TBL1XR1: variants seen among roughly 807,000 people sequenced by gnomAD.
TBL1XR1 encodes F-box-like/WD repeat-containing protein TBL1XR1.
TBL1XR1 carries 5 observed loss-of-function variants against 66.9 expected under a neutral mutation model. That is an observed-to-expected ratio of 0.07 (90% CI 0.04 to 0.16). The LOEUF is 0.16. TBL1XR1 is among the 10% of genes least tolerant of loss of function. TBL1XR1 has a pLI of 1.00. For synonymous variants in TBL1XR1, 210 were observed against 206.0 expected, an observed-to-expected ratio of 1.02 and a Z score of -0.17; for missense variants, 238 against 623.2, an observed-to-expected ratio of 0.38 and a Z score of 6.58.
At chr3:177,178,121 TGTG>T (rs1185511202) in intron 1 of TBL1XR1, among the ~76,000 whole-genome samples, 4 of 152,140 alleles carry the variant, frequency 2.6e-5, no homozygotes, top group African/African-American at 4.8e-5. Flanking sequence ...GTTCAGTGGG[TGTG>T]GAGCTGGAAT....
intron 10 of TBL1XR1, 75 bp from the exon 11 acceptor site, chr3:177,038,509 T>C (rs1715124088): frequency 1.5e-6 from 2 of 1,359,566 alleles, no homozygotes; most frequent in East Asian, 5.2e-5. Flanking sequence ...TTTGAACCAT[T>C]GTTGACTAAT....
At chr3:177,156,368 G>T (rs1343927147) in intron 1 of TBL1XR1, among the ~76,000 whole-genome samples, 1 of 148,990 alleles carries the variant, frequency 6.7e-6, no homozygotes. Flanking sequence ...GTGTGGTGGC[G>T]GGCGCCTGTA....
At chr3:177,047,867 G>A in intron 7 of TBL1XR1, 1 of 289,716 alleles carries the variant, frequency 3.5e-6, no homozygotes, top group Non-Finnish European at 6.5e-6. Flanking sequence ...AATGAAGGTA[G>A]AGTGGTGGAC....
At chr3:177,078,541 T>TACC (rs1265933758) in intron 2 of TBL1XR1, 1 of 149,056 alleles carries the variant, frequency 6.7e-6, no homozygotes, top group Non-Finnish European at 1.5e-5. Context: ...GCTATGATTA[T>TACC]ACCACCACTG....
chr3:177,105,539 T>C (rs1724773336), intron 1 of TBL1XR1, among the ~76,000 whole-genome samples: 1 of 152,234 alleles, frequency 6.6e-6, no homozygotes, highest in African/African-American at 2.4e-5. Context: ...GAATATCTGA[T>C]TCAAGGTATT....
intron 1 of TBL1XR1, chr3:177,131,329 G>A: frequency 1.0e-6 from 1 of 985,234 alleles, no homozygotes; most frequent in Non-Finnish European, 1.2e-6. Flanking sequence ...GAAAAATAAA[G>A]AAATAGCAAG....
chr3:177,198,719 G>A (rs958424272), upstream of TBL1XR1, among the ~76,000 whole-genome samples: 1 of 152,040 alleles, frequency 6.6e-6, no homozygotes, highest in African/African-American at 2.4e-5. Context: ...GCTTATTACT[G>A]CCTTCAAAGC....
At chr3:177,186,298 TATTACATTGTTATATGAATGA>T (rs1443130302) in intron 1 of TBL1XR1, among the ~76,000 whole-genome samples, 2 of 152,250 alleles carry the variant, frequency 1.3e-5, no homozygotes, top group Non-Finnish European at 2.9e-5. Flanking sequence ...TAAGCATGTA[TATTACATTGTTATATGAATGA>T]GTGCCAAAGA....
intron 2 of TBL1XR1, among the ~76,000 whole-genome samples, chr3:177,071,194 C>A (rs1719964346): frequency 1.3e-5 from 2 of 151,914 alleles, no homozygotes; most frequent in Non-Finnish European, 2.9e-5. Flanking sequence ...CCGTGCCCGG[C>A]TAATTTTTTG....
intron 2 of TBL1XR1, among the ~76,000 whole-genome samples, chr3:177,095,629 G>A (rs781772160): frequency 3.2e-4 from 48 of 151,694 alleles, no homozygotes; most frequent in Non-Finnish European, 2.6e-4. Context: ...ACAGGTGTGC[G>A]CCACCACGCC....
intron 1 of TBL1XR1, among the ~76,000 whole-genome samples, chr3:177,144,762 GAA>G (rs1354851168): frequency 6.6e-6 from 1 of 150,860 alleles, no homozygotes; most frequent in Non-Finnish European, 1.5e-5. Context: ...CAAAAAAAAA[GAA>G]AAAAAGAAAA....
At chr3:177,115,144 A>T (rs1726156299) in intron 1 of TBL1XR1, among the ~76,000 whole-genome samples, 2 of 152,120 alleles carry the variant, frequency 1.3e-5, no homozygotes, top group South Asian at 4.1e-4. Context: ...GTACAGTGTA[A>T]TGCCATCAAC....
intron 2 of TBL1XR1, among the ~76,000 whole-genome samples, chr3:177,076,307 G>A (rs1463516030): frequency 6.6e-6 from 1 of 152,318 alleles, no homozygotes; most frequent in South Asian, 2.1e-4. Flanking sequence ...ATAGAGCTTG[G>A]CTTGTAGACA....
intron 10 of TBL1XR1, among the ~76,000 whole-genome samples, chr3:177,040,183 T>C (rs567233905): frequency 1.3e-5 from 2 of 152,120 alleles, no homozygotes; most frequent in African/African-American, 4.8e-5. Flanking sequence ...GGTGTAGTGG[T>C]CCATGCCTAT....
rs1333115156 is a variant in TBL1XR1 at position 177,020,414 on chromosome 3, C to T, written c.*5084G>A. ...CCCTTCATTTAAAAAAATCTTATCT[C>T]CTGCAAGAAGTAATAAAAATAGTAA... On this transcript the variant is annotated 3_prime_UTR_variant, in exon 16 of 16. Transcript: ENST00000457928. The T allele has an allele frequency of 6.6e-6, 1 of 152,064 alleles. No homozygotes were observed. Among genetic ancestry groups the T allele is most frequent in the African/African-American group, 2.4e-5 (1 of 41,418 alleles). 9.4% of individuals were successfully genotyped at this position (152,064 alleles called of 1,614,324 possible).
chr3:177,149,008 AAAAAG>A (rs1372846235), intron 1 of TBL1XR1, among the ~76,000 whole-genome samples: 1 of 125,362 alleles, frequency 8.0e-6, no homozygotes. Context: ...TCCCTCAAAA[AAAAAG>A]AAAAGAAAAG....
intron 1 of TBL1XR1, among the ~76,000 whole-genome samples, chr3:177,171,831 T>C (rs1733555352): frequency 1.3e-5 from 2 of 151,822 alleles, no homozygotes; most frequent in South Asian, 4.1e-4. Flanking sequence ...CAAATTGTTA[T>C]GTCAGAAAGT....
At chr3:177,088,027 C>CACT (rs1722363834) in intron 2 of TBL1XR1, among the ~76,000 whole-genome samples, 1 of 152,152 alleles carries the variant, frequency 6.6e-6, no homozygotes. Context: ...CTTGCTCTCA[C>CACT]ACTACTCTGT....
chr3:177,078,442 AGGTATGGT>A (rs1158825415), intron 2 of TBL1XR1, among the ~76,000 whole-genome samples: 1 of 151,802 alleles, frequency 6.6e-6, no homozygotes, highest in Non-Finnish European at 1.5e-5. Flanking sequence ...TTAATTAGCC[AGGTATGGT>A]GGCATGAACC....
Sources: allele counts gnomAD v4.1 joint callset (sites outside exome capture counted in the v4.1 genomes callset), GRCh38; gene constraint gnomAD v4.1.1; transcripts MANE v1.5; gene names NCBI Gene and HGNC (gene_info 2026-07-23, HGNC 2026-07-21).